Variants in PKP4 observed in about 807,000 individuals in gnomAD.
PKP4 encodes plakophilin 4, also known as plakophilin-4.
A neutral mutation model predicts 145.1 loss-of-function variants in PKP4; 90 were observed. The observed-to-expected ratio is 0.62, with a 90% CI of 0.52 to 0.74. PKP4 has a LOEUF of 0.74. PKP4 is among the 30% of genes least tolerant of loss of function. The pLI, the probability that PKP4 is intolerant of heterozygous loss-of-function variation, is 0.00. For missense variants in PKP4, 1,340 were observed against 1,482.7 expected, an observed-to-expected ratio of 0.90 and a Z score of 1.58; for synonymous variants, 563 against 577.2, an observed-to-expected ratio of 0.98 and a Z score of 0.35.
intron 2 of PKP4, among the ~76,000 whole-genome samples, chr2:158,572,736 A>C (rs1288374490): frequency 6.6e-6 from 1 of 152,204 alleles, no homozygotes; most frequent in African/African-American, 2.4e-5. Flanking sequence ...AATGGTCAAT[A>C]AACATAGGAA....
chr2:158,544,051 C>T (rs1429986845), intron 2 of PKP4, among the ~76,000 whole-genome samples: 1 of 152,172 alleles, frequency 6.6e-6, no homozygotes, highest in Non-Finnish European at 1.5e-5. Flanking sequence ...ACACACAATT[C>T]ATAAGCAATC....
At chr2:158,646,142 CT>C (rs1236235245) in intron 11 of PKP4, among the ~76,000 whole-genome samples, 1 of 152,154 alleles carries the variant, frequency 6.6e-6, no homozygotes, top group Non-Finnish European at 1.5e-5. Flanking sequence ...TGATATTTGT[CT>C]TGAAAATATC....
intron 11 of PKP4, among the ~76,000 whole-genome samples, chr2:158,645,146 A>G (rs1178828123): frequency 6.6e-6 from 1 of 152,210 alleles, no homozygotes; most frequent in East Asian, 1.9e-4. Context: ...AAATAATCAT[A>G]AATCTGGAAT....
At chr2:158,651,975 G>C (rs77116503) in intron 11 of PKP4, among the ~76,000 whole-genome samples, 201 of 152,180 alleles carry the variant, frequency 1.3e-3, no homozygotes, top group Non-Finnish European at 2.5e-3. Flanking sequence ...AGAACAGATG[G>C]CTCCCCTGTG....
chr2:158,530,582 C>T (rs190649994), intron 1 of PKP4, among the ~76,000 whole-genome samples: 1 of 126,658 alleles, frequency 7.9e-6, no homozygotes, highest in Non-Finnish European at 1.6e-5. Context: ...TAGCTTGATA[C>T]TTTCTAATTC....
chr2:158,493,765 G>A (rs550630145), intron 1 of PKP4, among the ~76,000 whole-genome samples: 59 of 152,294 alleles, frequency 3.9e-4, no homozygotes, highest in Non-Finnish European at 1.8e-4. Flanking sequence ...TGCTCACTTG[G>A]CAACATGCTT....
In PKP4 at chr2:158,673,864, TTTTCTC is replaced by T. The variant is rs759523391; in HGVS notation, c.3010-16_3010-11del. The stretch of plus-strand genomic sequence containing the variant: ...TCATTATTCATTTTGAGAGGTTTCT[TTTTCTC>T]TTAACTCTGCAGGATGGGTGGAATC... On this transcript the variant is annotated splice_polypyrimidine_tract_variant and intron_variant, in intron 18 of 21. Transcript: ENST00000389759. 9 of 1,562,774 alleles carry T rather than the reference TTTTCTC, an allele frequency of 5.8e-6. No homozygotes were observed. The African/African-American group carries it at 9.5e-5, about 16-fold the overall frequency.
At chr2:158,522,716 G>T (rs1329056179) in intron 1 of PKP4, among the ~76,000 whole-genome samples, 2 of 152,224 alleles carry the variant, frequency 1.3e-5, no homozygotes, top group Non-Finnish European at 2.9e-5. Context: ...TCCATCTGAG[G>T]TACCGGGTTC....
intron 1 of PKP4, among the ~76,000 whole-genome samples, chr2:158,479,472 CCTT>C (rs1350836366): frequency 5.3e-5 from 8 of 152,192 alleles, no homozygotes; most frequent in Non-Finnish European, 8.8e-5. Flanking sequence ...GATCGGCCCG[CCTT>C]AGCCTCCCAA....
In PKP4 at chr2:158,621,314, A is replaced by G; in HGVS notation, c.496A>G (p.Ser166Gly). The G allele has an allele frequency of 6.2e-7, 1 of 1,614,236 alleles. No individual in the cohort carries two copies. The highest frequency in any genetic ancestry group is 1.7e-5 in the Admixed American group (1 of 60,034). ...GYQEAGSFHN[S>G]QNVSKADNRQ... is the part of the protein sequence containing the mutation. ...CCAGGAAGCAGGGAGTTTCCACAAC[A>G]GCCAGAACGTGAGCAAGGCAGACAA... The change falls in exon 6 of 22, where the codon AGC becomes GGC. Residue 166 changes from serine to glycine, a missense_variant. Coordinates refer to ENST00000389759, the MANE Select transcript of PKP4 (RefSeq NM_003628.6).
chr2:158,565,958 A>C (rs1012346987), intron 2 of PKP4, among the ~76,000 whole-genome samples: 1 of 152,202 alleles, frequency 6.6e-6, no homozygotes, highest in African/African-American at 2.4e-5. Flanking sequence ...TGAGCCAGCT[A>C]CCCAGCATTC....
At chr2:158,598,041 G>T (rs548091894) in intron 3 of PKP4, among the ~76,000 whole-genome samples, 3 of 152,158 alleles carry the variant, frequency 2.0e-5, no homozygotes, top group African/African-American at 7.2e-5. Flanking sequence ...GCCCCGGCTG[G>T]TCTCAAACAT....
At chr2:158,617,155 G>T (rs2051712061) in intron 4 of PKP4, among the ~76,000 whole-genome samples, 1 of 152,116 alleles carries the variant, frequency 6.6e-6, no homozygotes, top group Non-Finnish European at 1.5e-5. Context: ...AGACAAGAAA[G>T]TCCATGATTC....
intron 2 of PKP4, among the ~76,000 whole-genome samples, chr2:158,570,774 G>A (rs1429844720): frequency 6.6e-6 from 1 of 152,060 alleles, no homozygotes; most frequent in Non-Finnish European, 1.5e-5. Context: ...TGGAAACCAG[G>A]ATTTCAATGA....
intron 1 of PKP4, among the ~76,000 whole-genome samples, chr2:158,514,370 T>A (rs535709024): frequency 1.3e-5 from 2 of 152,328 alleles, no homozygotes; most frequent in Non-Finnish European, 1.5e-5. Context: ...CTAGAAACTT[T>A]ATAGTGGTTG....
intron 1 of PKP4, among the ~76,000 whole-genome samples, chr2:158,522,993 C>A (rs2042550986): frequency 6.6e-6 from 1 of 152,142 alleles, no homozygotes. Flanking sequence ...CCCACGGAAT[C>A]TCGCTGATTG....
intron 20 of PKP4, among the ~76,000 whole-genome samples, chr2:158,677,993 C>T (rs1299935710): frequency 1.3e-5 from 2 of 152,152 alleles, no homozygotes; most frequent in Non-Finnish European, 2.9e-5. Flanking sequence ...CATCAGGAGT[C>T]TACTATGGAC....
At chr2:158,464,018 T>A (rs1690197579) in intron 1 of PKP4, among the ~76,000 whole-genome samples, 1 of 152,202 alleles carries the variant, frequency 6.6e-6, no homozygotes, top group African/African-American at 2.4e-5. Flanking sequence ...GGGACTTACT[T>A]GTCTACAACC....
At chr2:158,654,475 AAC>A (rs1317991516) in intron 11 of PKP4, among the ~76,000 whole-genome samples, 3 of 152,134 alleles carry the variant, frequency 2.0e-5, no homozygotes, top group African/African-American at 7.2e-5. Context: ...CATATTTTTT[AAC>A]AACTTTATAT....
Sources: allele counts gnomAD v4.1 joint callset (sites outside exome capture counted in the v4.1 genomes callset), GRCh38; gene constraint gnomAD v4.1.1; transcripts MANE v1.5; gene names NCBI Gene and HGNC (gene_info 2026-07-23, HGNC 2026-07-21).